CDH8: variants seen among roughly 807,000 people sequenced by gnomAD.
The protein encoded by CDH8 is cadherin-8.
In CDH8, 17 loss-of-function variants were observed where a neutral mutation model predicts 68.1. The observed-to-expected ratio is 0.25, with a 90% CI of 0.17 to 0.37. CDH8 has a LOEUF of 0.37. Ranked by LOEUF, CDH8 falls within the 10% of genes least tolerant of loss-of-function variation. The pLI is 1.00. For synonymous variants in CDH8, 372 were observed against 365.1 expected, an observed-to-expected ratio of 1.02 and a Z score of -0.21; for missense variants, 763 against 999.3, an observed-to-expected ratio of 0.76 and a Z score of 3.19.
At chr16:61,833,833 C>G (rs1191186563) in intron 4 of CDH8, among the ~76,000 whole-genome samples, 1 of 151,890 alleles carries the variant, frequency 6.6e-6, no homozygotes, top group Non-Finnish European at 1.5e-5. Context: ...GCCAAGAAGT[C>G]TTTCCAAATA....
At chr16:61,801,620 G>C (rs906926822) in intron 7 of CDH8, among the ~76,000 whole-genome samples, 1 of 152,160 alleles carries the variant, frequency 6.6e-6, no homozygotes, top group Admixed American at 6.5e-5. Flanking sequence ...CACCATGCGC[G>C]AGCCAAAGCA....
rs540338554 is a variant in CDH8 at position 62,018,826 on chromosome 16, T to C, written c.252+2326A>G. Among the ~76,000 whole-genome samples, 3 of 152,288 alleles carry C rather than the reference T, an allele frequency of 2.0e-5. No homozygotes were observed. The South Asian group carries it at 6.2e-4, about 32-fold the overall frequency. On this transcript the variant is annotated intron_variant, in intron 2 of 11. Transcript: ENST00000577390. ...TCCTAAGGTTCACTGGCAACATTTC[T>C]GTCATTCAGAGAAGCATGAACGTCT...
intron 2 of CDH8, among the ~76,000 whole-genome samples, chr16:61,917,220 G>GT (rs36071085): frequency 6.6e-6 from 1 of 151,452 alleles, no homozygotes; most frequent in Non-Finnish European, 1.5e-5. Flanking sequence ...TATAGGTAAG[G>GT]TTTTTTTAAA....
At chr16:61,857,069 T>C (rs1318594664) in intron 4 of CDH8, 50 bp downstream of exon 4, 3 of 1,607,338 alleles carry the variant, frequency 1.9e-6, no homozygotes, top group Non-Finnish European at 2.6e-6. Flanking sequence ...GAAAAGCATT[T>C]CCCTGAAGCA....
chr16:61,880,029 G>A (rs906082721), intron 3 of CDH8, among the ~76,000 whole-genome samples: 3 of 152,014 alleles, frequency 2.0e-5, no homozygotes, highest in Non-Finnish European at 2.9e-5. Flanking sequence ...GGGTTCAAGC[G>A]ATTATCCTGC....
At chr16:61,977,175 CCTT>C (rs984171980) in intron 2 of CDH8, among the ~76,000 whole-genome samples, 1 of 152,102 alleles carries the variant, frequency 6.6e-6, no homozygotes, top group African/African-American at 2.4e-5. Context: ...TGGCAGTTAA[CCTT>C]CTGAGAAATG....
intron 7 of CDH8, among the ~76,000 whole-genome samples, chr16:61,800,230 T>C (rs1036251247): frequency 6.6e-6 from 1 of 152,236 alleles, no homozygotes; most frequent in Non-Finnish European, 1.5e-5. Context: ...TTCTGCCAGA[T>C]GTAATTCATT....
intron 7 of CDH8, among the ~76,000 whole-genome samples, chr16:61,813,354 T>G (rs2142999416): frequency 6.6e-6 from 1 of 152,326 alleles, no homozygotes; most frequent in South Asian, 2.1e-4. Flanking sequence ...TAACTATTTG[T>G]GTGATACTGG....
chr16:61,780,405 G>A (rs539572851), intron 8 of CDH8, among the ~76,000 whole-genome samples: 5 of 152,286 alleles, frequency 3.3e-5, no homozygotes, highest in South Asian at 4.1e-4. Context: ...TCTCAGCCTC[G>A]GTTAAGTGAA....
intron 8 of CDH8, among the ~76,000 whole-genome samples, chr16:61,727,763 G>C (rs926617212): frequency 6.6e-6 from 1 of 150,924 alleles, no homozygotes; most frequent in Non-Finnish European, 1.5e-5. Context: ...ATTGACCCTG[G>C]AATATTTTTG....
intron 2 of CDH8, among the ~76,000 whole-genome samples, chr16:61,983,119 C>A (rs1013226272): frequency 2.6e-5 from 4 of 152,108 alleles, no homozygotes; most frequent in Non-Finnish European, 5.9e-5. Flanking sequence ...TATATACATA[C>A]TACAGCATCC....
intron 7 of CDH8, among the ~76,000 whole-genome samples, chr16:61,812,683 T>C (rs529958387): frequency 6.6e-6 from 1 of 152,346 alleles, no homozygotes; most frequent in African/African-American, 2.4e-5. Flanking sequence ...ATATAAATAA[T>C]TTGCTGCATA....
intron 2 of CDH8, among the ~76,000 whole-genome samples, chr16:62,014,626 A>G (rs1901893033): frequency 6.6e-6 from 1 of 152,204 alleles, no homozygotes; most frequent in Non-Finnish European, 1.5e-5. Context: ...ATTATTTGGC[A>G]TCCCGTGTCC....
chr16:61,771,387 A>G (rs1960771774), intron 8 of CDH8, among the ~76,000 whole-genome samples: 1 of 150,532 alleles, frequency 6.6e-6, no homozygotes, highest in South Asian at 2.1e-4. Flanking sequence ...TTATATCCAG[A>G]GATACTCAAA....
At chr16:61,710,536 T>C (rs1187875343) in intron 10 of CDH8, among the ~76,000 whole-genome samples, 1 of 152,090 alleles carries the variant, frequency 6.6e-6, no homozygotes, top group Non-Finnish European at 1.5e-5. Context: ...ATTGGTATCA[T>C]CAGGTACTAT....
In CDH8 at chr16:61,660,261, T is replaced by C. The variant is rs79761158; in HGVS notation, c.1655-4540A>G. On this transcript the variant is annotated intron_variant, in intron 10 of 11. Coordinates refer to ENST00000577390, the MANE Select transcript of CDH8 (RefSeq NM_001796.5). ...TGAGACATGCAAAGAATGAAGAAAA[T>C]ATGACCCACAGCAGAAAAACAGCTG... Among the ~76,000 whole-genome samples, 1,451 of 151,408 alleles carry C rather than the reference T, an allele frequency of 9.6e-3. 30 individuals are homozygous for C. The highest frequency in any genetic ancestry group is 0.033 in the African/African-American group (1,380 of 41,242).
At chr16:61,739,844 A>G (rs1959810595) in intron 8 of CDH8, among the ~76,000 whole-genome samples, 1 of 146,292 alleles carries the variant, frequency 6.8e-6, no homozygotes. Context: ...TAATTACTTC[A>G]CACAGGTTCT....
At position 61,940,398 on chromosome 16, in the gene CDH8, C is replaced by CTTTTTTTT. The variant is rs1185703652; in HGVS notation, c.253-38933_253-38926dup. 2.5e-4 allele frequency: 29 copies of CTTTTTTTT among 116,316 alleles called. 2 individuals carry two copies. The highest frequency in any genetic ancestry group is 9.7e-4 in the African/African-American group (26 of 26,888). The allele number at this position is 116,316 out of a possible 1,614,324, so 7.2% of individuals were successfully genotyped here. A position where few individuals can be genotyped will look rare whatever the true frequency, so the allele number is the denominator to read the frequency against. On this transcript the variant is annotated intron_variant, in intron 2 of 11. Coordinates refer to ENST00000577390, the MANE Select transcript of CDH8 (RefSeq NM_001796.5). ...GAGCTATGGTAATGAACTACTTGAT[C>CTTTTTTTT]TTTTTTTTTTTTTTTTTTTGAGACG...
chr16:61,899,417 G>A (rs984607104), intron 3 of CDH8, among the ~76,000 whole-genome samples: 3 of 151,950 alleles, frequency 2.0e-5, no homozygotes, highest in South Asian at 4.1e-4. Flanking sequence ...ATGATTTTAC[G>A]GCCAGCCACA....
Sources: gnomAD v4.1 joint callset for allele counts (sites outside exome capture counted in the v4.1 genomes callset) on GRCh38, gnomAD v4.1.1 for gene constraint, MANE v1.5 for transcripts, NCBI Gene and HGNC (gene_info 2026-07-23, HGNC 2026-07-21) for gene names.